Variants in IQCE observed in about 807,000 individuals in gnomAD.
IQCE encodes the protein IQ motif containing E.
Under a neutral mutation model 96.0 loss-of-function variants are expected in IQCE, and 115 were observed. The ratio of observed to expected loss-of-function variants is 1.20; its 90% CI spans 1.03 to 1.40. The LOEUF (loss-of-function observed/expected upper bound fraction) is 1.40. Ranked by LOEUF, IQCE falls within the 40% of genes most tolerant of loss-of-function variation. The pLI is 0.00. For missense variants in IQCE, 1,041 were observed against 909.1 expected (o/e 1.15, Z -1.87); for synonymous variants, 412 against 371.2 (o/e 1.11, Z -1.26).
At chr7:2,568,341 A>G (rs1781528232) in intron 2 of IQCE, among the ~76,000 whole-genome samples, 2 of 152,228 alleles carry the variant, frequency 1.3e-5, no homozygotes. Context: ...AAGATACCTC[A>G]TTATATGGAT....
chr7:2,610,013 TGACCCCTCTCCCTGTGGTTCATTTCTGCA>T lies in IQCE; in HGVS notation c.1970-17_1981del. On this transcript the variant is annotated splice_acceptor_variant and splice_polypyrimidine_tract_variant and intron_variant, in intron 21 of 21. Coordinates refer to ENST00000402050, the MANE Select transcript of IQCE (RefSeq NM_152558.5). LOFTEE classifies it high-confidence loss of function. ...TGGCAGCCCCTGAGGTCAGCGTGGC[TGACCCCTCTCCCTGTGGTTCATTTCTGCA>T]GACCCCTCTCCCTCAGGGCCACAGG... is the stretch of plus-strand genomic sequence containing the variant. The T allele has an allele frequency of 3.1e-6, 4 of 1,274,154 alleles. No individual in the cohort carries two copies. The highest frequency in any genetic ancestry group is 4.6e-6 in the Non-Finnish European group (4 of 869,878). 78.9% of individuals were successfully genotyped at this position (1,274,154 alleles called of 1,614,324 possible).
At chr7:2,593,509 C>T (rs901407861) in intron 15 of IQCE, among the ~76,000 whole-genome samples, 2 of 152,262 alleles carry the variant, frequency 1.3e-5, no homozygotes, top group African/African-American at 4.8e-5. Flanking sequence ...ACCCCACGGC[C>T]CATCAACTGC....
At chr7:2,561,727 T>C (rs1320484890) in intron 1 of IQCE, among the ~76,000 whole-genome samples, 1 of 152,144 alleles carries the variant, frequency 6.6e-6, no homozygotes, top group Non-Finnish European at 1.5e-5. Flanking sequence ...GGCCTTACAA[T>C]AATATTTTTA....
intron 17 of IQCE, among the ~76,000 whole-genome samples, chr7:2,600,390 A>G (rs58161483): frequency 0.019 from 2,949 of 152,288 alleles, 99 homozygotes; most frequent in African/African-American, 0.067. Flanking sequence ...CATTTTAAAG[A>G]AACGAGTTTC....
chr7:2,610,133 T>A lies in IQCE; in HGVS notation c.2059T>A (p.Ser687Thr). 6.2e-7 allele frequency: 1 copy of A among 1,611,958 alleles called. No homozygotes were observed. The highest frequency in any genetic ancestry group is 8.5e-7 in the Non-Finnish European group (1 of 1,178,038). Residue 687 changes from serine to threonine, a missense_variant, in exon 22 of 22, where the codon TCT (serine) becomes ACT (threonine). Transcript: ENST00000402050. ...TTCCGACGATATTGTCATTGCACCG[T>A]CTCTGCCCACGAAGAACTTTCCAGT... ...DDSDDIVIAP[S>T]LPTKNFPV
At chr7:2,588,037 A>G (rs1006569056) in intron 13 of IQCE, among the ~76,000 whole-genome samples, 160 bp downstream of exon 13, 6 of 152,222 alleles carry the variant, frequency 3.9e-5, no homozygotes, top group Non-Finnish European at 7.3e-5. Context: ...GGTCTAGACA[A>G]CGCTGAAGGC....
intron 16 of IQCE, among the ~76,000 whole-genome samples, chr7:2,597,776 C>G (rs1375617329): frequency 2.0e-5 from 3 of 152,234 alleles, no homozygotes; most frequent in African/African-American, 7.2e-5. Context: ...AAGCGATCCT[C>G]CTGCCTCAGC....
chr7:2,595,286 A>T (rs1228463509), intron 16 of IQCE, among the ~76,000 whole-genome samples: 1 of 152,102 alleles, frequency 6.6e-6, no homozygotes. Flanking sequence ...GAGAGGCAGG[A>T]GGGGCTTGGG....
Position 2,582,619 on chromosome 7 carries a change from C to G in IQCE, c.670C>G (p.Gln224Glu), listed in dbSNP as rs747362059. 3 of 1,614,060 alleles carry G rather than the reference C, an allele frequency of 1.9e-6. No homozygotes were observed. Among genetic ancestry groups the G allele is most frequent in the Non-Finnish European group, 2.5e-6 (3 of 1,179,990 alleles). Residue 224 changes from glutamine (Q) to glutamate (E), a missense_variant, in exon 9 of 22, where the codon CAG becomes GAG. By Grantham distance (29) the Gln-to-Glu change is conservative. Coordinates refer to ENST00000402050, the MANE Select transcript of IQCE (RefSeq NM_152558.5). ...GLKQRILKLE[Q>E]QCKEKDGTIS... ...GAAGCAGAGGATCCTGAAGCTGGAACAGCAGTGCAAGGAGAAGGACGGCAC... is the reference window on the plus strand; with the variant it reads ...GAAGCAGAGGATCCTGAAGCTGGAAGAGCAGTGCAAGGAGAAGGACGGCAC...
chr7:2,603,781 C>G (rs941136500), intron 18 of IQCE, among the ~76,000 whole-genome samples: 1 of 152,080 alleles, frequency 6.6e-6, no homozygotes, highest in African/African-American at 2.4e-5. Context: ...AGCTTTAAGA[C>G]AAAACAAAGG....
At position 2,577,864 on chromosome 7, in the gene IQCE, C is replaced by T. The variant is rs1278637802; in HGVS notation, c.466-378C>T. ...GCGCATTGGCGTGTGCGTGGCTGTGCGCGCGGGGACGTGTGTGCGGCGTGC... is the reference window on the plus strand; with the variant it reads ...GCGCATTGGCGTGTGCGTGGCTGTGTGCGCGGGGACGTGTGTGCGGCGTGC... On this transcript the variant is annotated intron_variant, in intron 6 of 21. Coordinates refer to ENST00000402050, the MANE Select transcript of IQCE (RefSeq NM_152558.5). Among the ~76,000 whole-genome samples the T allele has an allele frequency of 1.2e-4, 15 of 120,134 alleles. 1 individual carries two copies. The highest frequency in any genetic ancestry group is 2.7e-4 in the South Asian group (1 of 3,714). The allele number at this position is 120,134 out of a possible 152,430, so 78.8% of individuals were successfully genotyped here.
At chr7:2,573,396 C>T (rs759848669) in intron 5 of IQCE, 22 bp from the exon 6 acceptor site, 19 of 1,183,946 alleles carry the variant, frequency 1.6e-5, no homozygotes, top group Non-Finnish European at 1.9e-5. Flanking sequence ...GTCTTTGAAA[C>T]GATTTGTTTA....
chr7:2,569,642 A>T (rs1057024477), intron 3 of IQCE, among the ~76,000 whole-genome samples: 1 of 152,066 alleles, frequency 6.6e-6, no homozygotes, highest in Admixed American at 6.6e-5. Flanking sequence ...GTGCGTACGA[A>T]TGTGTTCGTG....
intron 13 of IQCE, among the ~76,000 whole-genome samples, chr7:2,588,791 C>T (rs1783345874): frequency 6.6e-6 from 1 of 150,766 alleles, no homozygotes; most frequent in South Asian, 2.1e-4. Context: ...TCAGCCTCAC[C>T]AGTAGCTGGG....
At chr7:2,582,060 A>G in intron 8 of IQCE, 1 of 468,986 alleles carries the variant, frequency 2.1e-6, no homozygotes, top group Non-Finnish European at 4.4e-6. Flanking sequence ...TCTAAGCAAG[A>G]CATTCACAGA....
chr7:2,601,364 C>A, intron 17 of IQCE, 77 bp from the exon 18 acceptor site: 1 of 1,003,202 alleles, frequency 1.0e-6, no homozygotes, highest in Non-Finnish European at 1.5e-6. Flanking sequence ...CACCTGTTGG[C>A]AAGATGAAGG....
rs1470845461 is a variant in IQCE at position 2,613,936 on chromosome 7, C to T, written c.*3774C>T. 6.6e-6 allele frequency: 1 copy of T among 152,026 alleles called. No homozygotes were observed. The highest frequency in any genetic ancestry group is 1.9e-4 in the East Asian group (1 of 5,190). 9.4% of individuals were successfully genotyped at this position (152,026 alleles called of 1,614,324 possible). The stretch of plus-strand genomic sequence containing the variant: ...GCAGGGCTAAACTCCAACCCAGGGC[C>T]CGGTGTTGGACAAAGTAGCTTTTTC... On this transcript the variant is annotated 3_prime_UTR_variant, in exon 22 of 22. Transcript: ENST00000402050.
Position 2,571,591 on chromosome 7 carries a change from A to G in IQCE, c.196A>G (p.Met66Val), listed in dbSNP as rs763753352. The G allele has an allele frequency of 2.5e-6, 4 of 1,603,642 alleles. No individual in the cohort carries two copies. Among genetic ancestry groups the G allele is most frequent in the East Asian group, 2.2e-5 (1 of 44,876 alleles). ...GAGGTCCCTCAGGACGGCAGGGAGC[A>G]TGCCTCTGGGCGGCCGAGCGTCCCT... ...SWRSLRTAGS[M>V]PLGGRASLTP... The change falls in exon 4 of 22, where the codon ATG becomes GTG. Residue 66 changes from methionine (M) to valine (V), a missense_variant. Physicochemically the swap from Met to Val is conservative, Grantham distance 21. Transcript: ENST00000402050.
intron 17 of IQCE, among the ~76,000 whole-genome samples, chr7:2,598,950 G>T (rs781538552): frequency 6.6e-6 from 1 of 152,214 alleles, no homozygotes; most frequent in Non-Finnish European, 1.5e-5. Flanking sequence ...CCTGACCACA[G>T]CACCGTGACT....
Sources: gnomAD v4.1 joint callset for allele counts (sites outside exome capture counted in the v4.1 genomes callset) on GRCh38, gnomAD v4.1.1 for gene constraint, MANE v1.5 for transcripts, NCBI Gene and HGNC (gene_info 2026-07-23, HGNC 2026-07-21) for gene names.